The following ADAMTS20 variants were observed in gnomAD, a reference collection of about 807,000 sequenced individuals.
ADAMTS20 encodes A disintegrin and metalloproteinase with thrombospondin motifs 20.
ADAMTS20 carries 225 observed loss-of-function variants against 260.1 expected under a neutral mutation model. That is an observed-to-expected ratio of 0.87 (90% confidence interval 0.78 to 0.97). ADAMTS20 has a LOEUF of 0.97. Among genes scored for constraint, ADAMTS20 ranks in the 50% least tolerant of loss-of-function variants. ADAMTS20 has a pLI of 0.00. For missense variants in ADAMTS20, 2,400 were observed against 2,337.7 expected (o/e 1.03, Z -0.55); for synonymous variants, 802 against 769.5 (o/e 1.04, Z -0.70).
intron 36 of ADAMTS20, among the ~76,000 whole-genome samples, chr12:43,375,128 T>C (rs1015890877): frequency 7.9e-6 from 1 of 127,086 alleles, no homozygotes; most frequent in Non-Finnish European, 1.5e-5. Flanking sequence ...GCCAAGATCA[T>C]GCCATTGCAC....
chr12:43,513,302 C>T (rs1315933746), intron 3 of ADAMTS20, among the ~76,000 whole-genome samples: 1 of 152,126 alleles, frequency 6.6e-6, no homozygotes. Context: ...AGAAACCAAC[C>T]CATAGGACTT....
intron 10 of ADAMTS20, 127 bp downstream of exon 10, chr12:43,464,464 T>G: frequency 8.3e-7 from 1 of 1,203,352 alleles, no homozygotes; most frequent in Non-Finnish European, 1.1e-6. Flanking sequence ...AACCTCTTTT[T>G]GATAAATACT....
At chr12:43,481,018 A>G (rs1942433171) in intron 7 of ADAMTS20, among the ~76,000 whole-genome samples, 2 of 152,198 alleles carry the variant, frequency 1.3e-5, no homozygotes, top group African/African-American at 4.8e-5. Flanking sequence ...TGATTTAATC[A>G]TTCCACATTG....
chr12:43,383,494 CAA>C, intron 31 of ADAMTS20, 62 bp downstream of exon 31: 1 of 1,497,168 alleles, frequency 6.7e-7, no homozygotes, highest in Non-Finnish European at 9.0e-7. Flanking sequence ...TCAGCTGTGT[CAA>C]ATTGTAGATC....
chr12:43,406,132 T>C (rs1940915242), intron 28 of ADAMTS20, among the ~76,000 whole-genome samples: 1 of 152,178 alleles, frequency 6.6e-6, no homozygotes, highest in African/African-American at 2.4e-5. Flanking sequence ...ATGCAATACA[T>C]AAAATAGAGT....
chr12:43,541,515 G>GC (rs1943376396), intron 2 of ADAMTS20, among the ~76,000 whole-genome samples: 1 of 152,138 alleles, frequency 6.6e-6, no homozygotes, highest in South Asian at 2.1e-4. Context: ...TTTACCACTG[G>GC]CAGAGTATAA....
chr12:43,456,885 G>A (rs1466122286), intron 11 of ADAMTS20, among the ~76,000 whole-genome samples: 1 of 151,688 alleles, frequency 6.6e-6, no homozygotes, highest in Admixed American at 6.5e-5. Context: ...CAGGTAACCA[G>A]GGGAACAGAT....
chr12:43,470,874 G>A (rs1163970026), intron 7 of ADAMTS20, among the ~76,000 whole-genome samples: 1 of 152,186 alleles, frequency 6.6e-6, no homozygotes, highest in Non-Finnish European at 1.5e-5. Flanking sequence ...AATATAAGCT[G>A]TGTGGTCTTC....
chr12:43,379,808 C>T (rs1940310392), intron 31 of ADAMTS20, among the ~76,000 whole-genome samples: 2 of 152,072 alleles, frequency 1.3e-5, no homozygotes, highest in Admixed American at 1.3e-4. Flanking sequence ...ATAGACTTAT[C>T]ACAAGTAAAG....
chr12:43,414,427 A>G lies in ADAMTS20; in HGVS notation c.4284+11087T>C, dbSNP rs993488020. Among the ~76,000 whole-genome samples, 7 of 152,172 alleles carry G rather than the reference A, an allele frequency of 4.6e-5. 1 individual carries two copies. Among genetic ancestry groups the G allele is most frequent in the Middle Eastern group, 6.3e-3 (2 of 316 alleles). On this transcript the variant is annotated intron_variant, in intron 28 of 38. Transcript: ENST00000389420. ...GGATGACCATAAAAGACTGAAATGA[A>G]AAGGTGATACATCCTTCAATACATA...
intron 3 of ADAMTS20, among the ~76,000 whole-genome samples, chr12:43,518,473 C>T (rs1943027458): frequency 6.6e-6 from 1 of 152,100 alleles, no homozygotes; most frequent in Admixed American, 6.6e-5. Context: ...GATTTCTCCT[C>T]ATCTCCCCAA....
chr12:43,412,525 C>CAG (rs1941051061), intron 28 of ADAMTS20, among the ~76,000 whole-genome samples: 2 of 152,104 alleles, frequency 1.3e-5, no homozygotes, highest in African/African-American at 4.8e-5. Context: ...TAACGGGTAT[C>CAG]CTGTAGATCA....
chr12:43,480,953 T>TATAC (rs1013036272), intron 7 of ADAMTS20, among the ~76,000 whole-genome samples: 3 of 152,110 alleles, frequency 2.0e-5, no homozygotes, highest in Non-Finnish European at 2.9e-5. Context: ...TAAGAAAGTA[T>TATAC]GTTTCAGATG....
intron 3 of ADAMTS20, among the ~76,000 whole-genome samples, chr12:43,510,194 A>G (rs1942903192): frequency 1.3e-5 from 2 of 152,106 alleles, no homozygotes; most frequent in Admixed American, 1.3e-4. Context: ...AGTTTTGTAA[A>G]AACAAACTCT....
intron 11 of ADAMTS20, among the ~76,000 whole-genome samples, chr12:43,456,034 G>A (rs747928609): frequency 9.9e-5 from 15 of 152,138 alleles, no homozygotes; most frequent in Non-Finnish European, 1.6e-4. Flanking sequence ...TATATATCCA[G>A]AAGTAGAATA....
In ADAMTS20 at chr12:43,496,558, G is replaced by C. The variant is rs564571086; in HGVS notation, c.868-3305C>G. Among the ~76,000 whole-genome samples, 118 of 152,318 alleles carry C rather than the reference G, an allele frequency of 7.7e-4. 1 individual carries two copies. Among genetic ancestry groups the C allele is most frequent in the African/African-American group, 2.8e-3 (116 of 41,568 alleles). On this transcript the variant is annotated intron_variant, in intron 4 of 38. Coordinates refer to ENST00000389420, the MANE Select transcript of ADAMTS20 (RefSeq NM_025003.5). ...TCAGAGAAGCCCTAGGCAGTCAGCA[G>C]ACCTGGTCTTTAGTTCCAGCTCTAA...
intron 16 of ADAMTS20, 70 bp from the exon 17 acceptor site, chr12:43,440,139 CTTTTTTTTTTTT>C: frequency 1.8e-6 from 1 of 556,140 alleles, no homozygotes; most frequent in South Asian, 2.3e-5. Flanking sequence ...ACTTGTTTAA[CTTTTTTTTTTTT>C]TTTTTTTTTT....
In ADAMTS20 at chr12:43,432,349, G is replaced by C; in HGVS notation, c.3051C>G (p.Cys1017Trp). The change falls in exon 21 of 39, where the codon TGC becomes TGG. Residue 1017 changes from cysteine to tryptophan, a missense_variant. By Grantham distance (215) the Cys-to-Trp change is radical. Transcript: ENST00000389420. ...CCCAACTGGGACAGGAAAATTCATT[G>C]CAATTCTCTCTCGTCACTCGGGACA... Reference protein sequence around the residue: ...QELSRVTRENCNEFSCPSWAA... With the variant: ...QELSRVTRENWNEFSCPSWAA... 6.2e-7 allele frequency: 1 copy of C among 1,613,824 alleles called. No individual in the cohort carries two copies. The highest frequency in any genetic ancestry group is 8.5e-7 in the Non-Finnish European group (1 of 1,179,842).
chr12:43,449,149 A>T (rs10785433), intron 14 of ADAMTS20, among the ~76,000 whole-genome samples: 48,759 of 151,908 alleles, frequency 0.32, 8,476 homozygotes, highest in East Asian at 0.75. Context: ...TACCCAAAGG[A>T]ATATAAGTTG....
Sources: gnomAD v4.1 joint callset for allele counts (sites outside exome capture counted in the v4.1 genomes callset) on GRCh38, gnomAD v4.1.1 for gene constraint, MANE v1.5 for transcripts, NCBI Gene and HGNC (gene_info 2026-07-23, HGNC 2026-07-21) for gene names.